The following PARD3B variants were observed in gnomAD, a reference collection of about 807,000 sequenced individuals.
PARD3B encodes the protein partitioning defective 3 homolog B.
In PARD3B, 103 loss-of-function variants were observed where a neutral mutation model predicts 130.2. The ratio of observed to expected loss-of-function variants is 0.79; its 90% confidence interval spans 0.67 to 0.93. PARD3B has a LOEUF of 0.93. PARD3B is among the 40% of genes least tolerant of loss of function. The pLI is 0.00. For missense variants in PARD3B, 1,609 were observed against 1,499.2 expected (o/e 1.07, Z -1.21); for synonymous variants, 583 against 553.2 (o/e 1.05, Z -0.76).
rs190458336 is a variant in PARD3B at position 205,289,358 on chromosome 2, A to C, written c.2186-11172A>C. Among the ~76,000 whole-genome samples the C allele has an allele frequency of 5.8e-4, 89 of 152,168 alleles. 1 individual carries two copies. In the East Asian group the frequency reaches 0.014, roughly 24 times the overall value. On this transcript the variant is annotated intron_variant, in intron 16 of 22. Transcript: ENST00000406610. ...CTCCTAATGGGTGTAAATTTTGTTC[A>C]CCAAAAAAAAAATATGATGCTAAGC... is the stretch of plus-strand genomic sequence containing the variant.
chr2:205,608,991 CCCT>C (rs1446600143), intron 22 of PARD3B, among the ~76,000 whole-genome samples: 3 of 152,216 alleles, frequency 2.0e-5, no homozygotes, highest in African/African-American at 7.2e-5. Flanking sequence ...AACAAGACCC[CCCT>C]CTTCTCATAA....
At chr2:204,656,638 C>T (rs1017662432) in intron 1 of PARD3B, among the ~76,000 whole-genome samples, 28 of 152,232 alleles carry the variant, frequency 1.8e-4, no homozygotes, top group African/African-American at 5.8e-4. Flanking sequence ...TCATGGTACT[C>T]TTCATAAGCA....
chr2:205,542,380 G>A (rs1276671113), intron 21 of PARD3B, among the ~76,000 whole-genome samples: 5 of 147,762 alleles, frequency 3.4e-5, no homozygotes, highest in Admixed American at 2.7e-4. Flanking sequence ...GTGTGTGTGT[G>A]TGTATGTATG....
chr2:204,809,469 G>T (rs1344315049), intron 2 of PARD3B, among the ~76,000 whole-genome samples: 1 of 152,250 alleles, frequency 6.6e-6, no homozygotes, highest in East Asian at 1.9e-4. Context: ...ATAAGGAAAT[G>T]GTCCAGCTTG....
chr2:205,516,762 CTTTT>C (rs949685172), intron 21 of PARD3B, among the ~76,000 whole-genome samples: 1 of 151,962 alleles, frequency 6.6e-6, no homozygotes, highest in East Asian at 1.9e-4. Context: ...TTCTTTCTTT[CTTTT>C]GCTTGATTGC....
chr2:204,779,375 CA>C (rs1292979891), intron 2 of PARD3B, among the ~76,000 whole-genome samples: 1 of 152,140 alleles, frequency 6.6e-6, no homozygotes, highest in African/African-American at 2.4e-5. Flanking sequence ...GTGGCTTTAA[CA>C]GAACTGATAT....
At chr2:205,416,315 C>T (rs2046773371) in intron 19 of PARD3B, among the ~76,000 whole-genome samples, 1 of 152,120 alleles carries the variant, frequency 6.6e-6, no homozygotes, top group African/African-American at 2.4e-5. Flanking sequence ...GCTACATCCT[C>T]TTATGAGCAT....
chr2:205,029,243 G>A (rs1431289060), intron 3 of PARD3B, among the ~76,000 whole-genome samples: 2 of 152,000 alleles, frequency 1.3e-5, no homozygotes, highest in African/African-American at 4.8e-5. Flanking sequence ...TTGGGTATTA[G>A]AGCCTTTCTC....
chr2:205,066,812 T>G (rs1700408218), intron 4 of PARD3B, among the ~76,000 whole-genome samples: 1 of 152,186 alleles, frequency 6.6e-6, no homozygotes, highest in Non-Finnish European at 1.5e-5. Context: ...AATCATCATT[T>G]AAATCATCAA....
intron 3 of PARD3B, among the ~76,000 whole-genome samples, chr2:205,000,522 C>T (rs1559344361): frequency 6.6e-6 from 1 of 152,120 alleles, no homozygotes; most frequent in Non-Finnish European, 1.5e-5. Context: ...CCCCATTTTC[C>T]CAATGAGAAT....
chr2:205,100,473 T>C (rs1702696819), intron 4 of PARD3B, among the ~76,000 whole-genome samples: 1 of 151,964 alleles, frequency 6.6e-6, no homozygotes, highest in African/African-American at 2.4e-5. Flanking sequence ...TTTGCAGATA[T>C]TAACAAACTG....
intron 21 of PARD3B, among the ~76,000 whole-genome samples, chr2:205,520,434 G>A (rs112804382): frequency 6.6e-6 from 1 of 152,102 alleles, no homozygotes; most frequent in African/African-American, 2.4e-5. Context: ...AGAGGCAGTG[G>A]CAGAGAGGCT....
intron 1 of PARD3B, among the ~76,000 whole-genome samples, chr2:204,622,691 A>G (rs569862776): frequency 1.3e-5 from 2 of 152,246 alleles, no homozygotes; most frequent in South Asian, 2.1e-4. Context: ...AAACAGTCAT[A>G]AGAGGGTAAG....
At chr2:204,880,091 G>A (rs76688884) in intron 2 of PARD3B, among the ~76,000 whole-genome samples, 2,768 of 152,190 alleles carry the variant, frequency 0.018, 59 homozygotes, top group East Asian at 0.11. Flanking sequence ...CCTGGATTGT[G>A]CTTCCTAAAG....
intron 18 of PARD3B, among the ~76,000 whole-genome samples, chr2:205,392,133 T>A (rs2045883175): frequency 6.6e-6 from 1 of 152,212 alleles, no homozygotes; most frequent in African/African-American, 2.4e-5. Context: ...CCCCTCGGTA[T>A]GGGGAAAGCA....
chr2:205,093,762 A>G (rs1025623355), intron 4 of PARD3B, among the ~76,000 whole-genome samples: 4 of 152,200 alleles, frequency 2.6e-5, no homozygotes, highest in Non-Finnish European at 4.4e-5. Flanking sequence ...CAAGCACTGT[A>G]AAGTTTTAAG....
At chr2:204,976,539 T>C (rs1453976473) in intron 3 of PARD3B, among the ~76,000 whole-genome samples, 1 of 152,010 alleles carries the variant, frequency 6.6e-6, no homozygotes, top group East Asian at 1.9e-4. Flanking sequence ...TTAATTTCAT[T>C]ATTATATTTA....
chr2:204,656,291 T>A (rs186719306), intron 1 of PARD3B, among the ~76,000 whole-genome samples: 1 of 152,260 alleles, frequency 6.6e-6, no homozygotes, highest in East Asian at 1.9e-4. Flanking sequence ...TAATTGATAA[T>A]CAGACTTCCT....
At chr2:205,284,348 C>T (rs990618844) in intron 16 of PARD3B, among the ~76,000 whole-genome samples, 4 of 152,126 alleles carry the variant, frequency 2.6e-5, no homozygotes, top group African/African-American at 9.7e-5. Flanking sequence ...TAATTATCTG[C>T]AAATTAACCT....
Sources: allele counts gnomAD v4.1 joint callset (sites outside exome capture counted in the v4.1 genomes callset), GRCh38; gene constraint gnomAD v4.1.1; transcripts MANE v1.5; gene names NCBI Gene and HGNC (gene_info 2026-07-23, HGNC 2026-07-21).